WNK2: variants seen among roughly 807,000 people sequenced by gnomAD.
The protein encoded by WNK2 is WNK lysine deficient protein kinase 2, also known as serine/threonine-protein kinase WNK2.
A neutral mutation model predicts 192.1 loss-of-function variants in WNK2; 67 were observed. The ratio of observed to expected loss-of-function variants is 0.35; its 90% CI spans 0.29 to 0.43. The LOEUF (loss-of-function observed/expected upper bound fraction) is 0.43, where lower values mean the gene tolerates loss of function less well. Among genes scored for constraint, WNK2 ranks in the 20% least tolerant of loss-of-function variants. The pLI is 1.00. For missense variants in WNK2, 2,698 were observed against 3,089.7 expected (o/e 0.87, Z 3.01); for synonymous variants, 1,439 against 1,393.9 (o/e 1.03, Z -0.72).
At position 93,262,101 on chromosome 9, in the gene WNK2, C is replaced by A. The variant is rs1460180288; in HGVS notation, c.3354C>A (p.Val1118=). 3 of 1,587,732 alleles carry A rather than the reference C, an allele frequency of 1.9e-6. No individual in the cohort carries two copies. The highest frequency in any genetic ancestry group is 2.3e-5 in the East Asian group (1 of 44,324). The change falls in exon 13 of 30, where the codon GTC becomes GTA. Residue 1118 remains valine, a synonymous_variant. Coordinates refer to ENST00000427277, the MANE Select transcript of WNK2 (RefSeq NM_006648.4). The stretch of plus-strand genomic sequence containing the variant: ...CTGTCCAGCTGACGGTGGAACCAGT[C>A]CAAGAGGTGTGTGCCCCTCCCCCCA... The part of the protein sequence containing the change: ...CPTVQLTVEP[V]QEEQASQDKP...
chr9:93,311,838 T>A (rs142529803), intron 28 of WNK2, among the ~76,000 whole-genome samples: 79 of 152,250 alleles, frequency 5.2e-4, no homozygotes, highest in African/African-American at 1.7e-3. Context: ...CAGGCTGATC[T>A]CGAACTCCTG....
intron 11 of WNK2, 74 bp from the exon 12 acceptor site, chr9:93,258,857 G>C: frequency 1.5e-6 from 2 of 1,367,670 alleles, no homozygotes; most frequent in East Asian, 2.3e-5. Context: ...GACTGTGGCT[G>C]TCCTTGCATG....
At chr9:93,207,469 C>T (rs1054852980) in intron 2 of WNK2, among the ~76,000 whole-genome samples, 3 of 152,226 alleles carry the variant, frequency 2.0e-5, no homozygotes, top group African/African-American at 4.8e-5. Context: ...GTCCAGTGCA[C>T]GCCCAGGGTG....
chr9:93,210,271 C>T (rs372964526), intron 2 of WNK2, among the ~76,000 whole-genome samples: 3 of 107,786 alleles, frequency 2.8e-5, no homozygotes, highest in Non-Finnish European at 3.7e-5. Context: ...TGGGGCTATT[C>T]GTGCTGATGG....
intron 7 of WNK2, among the ~76,000 whole-genome samples, chr9:93,240,803 C>T (rs985417051): frequency 1.3e-5 from 2 of 152,158 alleles, no homozygotes; most frequent in African/African-American, 2.4e-5. Context: ...CCAGTAAAAT[C>T]GCCACTGCCC....
chr9:93,242,705 A>C (rs138159152), intron 7 of WNK2, among the ~76,000 whole-genome samples: 3,145 of 152,244 alleles, frequency 0.021, 44 homozygotes, highest in Middle Eastern at 0.048. Context: ...TTTTGAGAGG[A>C]CAGAAGATGG....
At position 93,239,498 on chromosome 9, in the gene WNK2, TG is replaced by T. The variant is rs376915319; in HGVS notation, c.1323-258del. 2.6e-3 allele frequency among the ~76,000 whole-genome samples: 402 copies of T among 152,338 alleles called. No homozygotes were observed. The highest frequency in any genetic ancestry group is 9.1e-3 in the African/African-American group (378 of 41,574). ...CCTAATGTTTTTCCAAATCCTCTTT[TG>T]TATCATTGAATCTTTTATGAGCATG... On this transcript the variant is annotated intron_variant, in intron 6 of 29. Coordinates refer to ENST00000427277, the MANE Select transcript of WNK2 (RefSeq NM_006648.4). The surrounding 1 kb of genome is among the most constrained non-coding windows in gnomAD (Gnocchi z 4.2).
intron 19 of WNK2, among the ~76,000 whole-genome samples, chr9:93,275,124 C>A (rs1365047346): frequency 1.3e-5 from 2 of 152,126 alleles, no homozygotes; most frequent in Non-Finnish European, 2.9e-5. Context: ...AGAGTCAGTC[C>A]ACCATATTAA....
rs560175617 is a variant in WNK2, at chr9:93,263,482, T to C, written c.3411-84T>C. ...GATTTGGGCCCTGGAGACTCCAGAC[T>C]GTTCCAGATAAGCTGACTTTCCCCG... is the stretch of plus-strand genomic sequence containing the variant. On this transcript the variant is annotated intron_variant, in intron 14 of 29. Coordinates refer to ENST00000427277, the MANE Select transcript of WNK2 (RefSeq NM_006648.4). The C allele has an allele frequency of 1.2e-4, 179 of 1,530,668 alleles. No individual in the cohort carries two copies. The East Asian group carries it at 4.0e-3, about 34-fold the overall frequency. 94.8% of individuals were successfully genotyped at this position (1,530,668 alleles called of 1,614,324 possible). A position where few individuals can be genotyped will look rare whatever the true frequency, so the allele number is the denominator to read the frequency against.
At position 93,257,271 on chromosome 9, in the gene WNK2, G is replaced by C; in HGVS notation, c.2382+132G>C. On this transcript the variant is annotated intron_variant, in intron 11 of 29. Transcript: ENST00000427277. The surrounding 1 kb of genome is among the most constrained non-coding windows in gnomAD (Gnocchi z 4.7). The stretch of plus-strand genomic sequence containing the variant: ...GACCTGGGGTTGGGCTGGCCAGGGA[G>C]TTGGGGCTGGGCTGGGGAGTCCGGG... The C allele has an allele frequency of 1.0e-6, 1 of 994,216 alleles. No individual in the cohort carries two copies. The highest frequency in any genetic ancestry group is 1.4e-6 in the Non-Finnish European group (1 of 690,338). 61.6% of individuals were successfully genotyped at this position (994,216 alleles called of 1,614,324 possible).
intron 2 of WNK2, among the ~76,000 whole-genome samples, chr9:93,186,714 C>T (rs1379681931): frequency 2.0e-5 from 3 of 152,166 alleles, no homozygotes; most frequent in South Asian, 2.1e-4. Flanking sequence ...GGGTGGCCTG[C>T]GTGTGTGTGC....
chr9:93,288,102 A>T (rs1848713297), intron 19 of WNK2, among the ~76,000 whole-genome samples: 1 of 152,192 alleles, frequency 6.6e-6, no homozygotes, highest in Non-Finnish European at 1.5e-5. Context: ...CTCCAAGGCC[A>T]AGTTTGAGAA....
Position 93,288,842 on chromosome 9 carries a change from C to G in WNK2, c.4088C>G (p.Ala1363Gly). 2.5e-6 allele frequency: 4 copies of G among 1,612,426 alleles called. No individual in the cohort carries two copies. The highest frequency in any genetic ancestry group is 3.4e-6 in the Non-Finnish European group (4 of 1,179,686). The change falls in exon 20 of 30, where the codon GCC becomes GGC. Residue 1363 changes from alanine (A) to glycine (G), a missense_variant. By Grantham distance (60) the Ala-to-Gly change is moderately conservative (BLOSUM62 0). Around this residue, in one of 7 missense-constraint regions of WNK2, gnomAD observed 1,098 missense variants for 1,101.0 expected, o/e 1.00. Coordinates refer to ENST00000427277, the MANE Select transcript of WNK2 (RefSeq NM_006648.4). ...TCGAAGGAACAACCCAGCTTTCTAG[C>G]CAGTCAGCAGCTCCTGAGCCAGGCG... ...LSSKEQPSFL[A>G]SQQLLSQAGP... is the part of the protein sequence containing the mutation.
At chr9:93,265,850 G>C (rs1424339628) in intron 16 of WNK2, among the ~76,000 whole-genome samples, 1 of 152,206 alleles carries the variant, frequency 6.6e-6, no homozygotes, top group Admixed American at 6.5e-5. Flanking sequence ...GTCTCTGTGT[G>C]TGAGTCTTTG....
chr9:93,247,767 C>G lies in WNK2; in HGVS notation c.1767C>G (p.Pro589=), dbSNP rs750071298. 3 of 1,551,432 alleles carry G rather than the reference C, an allele frequency of 1.9e-6. No individual in the cohort carries two copies. Among genetic ancestry groups the G allele is most frequent in the Non-Finnish European group, 2.6e-6 (3 of 1,149,228 alleles). Reference sequence around the variant, plus strand: ...CTGGGCAGCCCGGGCCACCAGAGCCCGAGGAGCCGGAGGCCGACCAGCACC... The same window carrying G: ...CTGGGCAGCCCGGGCCACCAGAGCCGGAGGAGCCGGAGGCCGACCAGCACC... The part of the protein sequence containing the change: ...AQAGQPGPPE[P]EEPEADQHLL... Residue 589 remains proline (P), a synonymous_variant, in exon 8 of 30, where the codon CCC becomes CCG. Coordinates refer to ENST00000427277, the MANE Select transcript of WNK2 (RefSeq NM_006648.4). The surrounding 1 kb of genome is among the most constrained non-coding windows in gnomAD (Gnocchi z 5.2).
chr9:93,203,524 G>A lies in WNK2; in HGVS notation c.681+17914G>A, dbSNP rs1035485545. ...TGGGAGTGGCTGCGGGGTCCAGGCC[G>A]GGGGCACAGGGGCTGGTCGTTGAAG... On this transcript the variant is annotated intron_variant, in intron 2 of 29. Coordinates refer to ENST00000427277, the MANE Select transcript of WNK2 (RefSeq NM_006648.4). 2.6e-5 allele frequency among the ~76,000 whole-genome samples: 4 copies of A among 152,266 alleles called. No individual in the cohort carries two copies. In the East Asian group the frequency reaches 5.8e-4, roughly 22 times the overall value.
intron 26 of WNK2, among the ~76,000 whole-genome samples, chr9:93,300,719 G>A (rs1490410308): frequency 6.6e-6 from 1 of 152,138 alleles, no homozygotes; most frequent in African/African-American, 2.4e-5. Flanking sequence ...CCAGCACCCA[G>A]TACCCTGCAC....
At chr9:93,276,705 A>G (rs4743908) in intron 19 of WNK2, among the ~76,000 whole-genome samples, 133,461 of 152,176 alleles carry the variant, frequency 0.88, 59,701 homozygotes, top group East Asian at 1. Context: ...AGGAATATTT[A>G]AAGAATTCTC....
intron 2 of WNK2, among the ~76,000 whole-genome samples, chr9:93,188,006 G>T (rs1331012292): frequency 6.6e-6 from 1 of 152,136 alleles, no homozygotes; most frequent in Non-Finnish European, 1.5e-5. Flanking sequence ...GGCTCTCTTA[G>T]TCCACAGTGT....
Sources: allele counts gnomAD v4.1 joint callset (sites outside exome capture counted in the v4.1 genomes callset), GRCh38; gene constraint gnomAD v4.1.1; regional missense constraint gnomAD v4.1.1; non-coding constraint Gnocchi (gnomAD v3.1); transcripts MANE v1.5; gene names NCBI Gene and HGNC (gene_info 2026-07-23, HGNC 2026-07-21).